The following THSD1 variants were observed in gnomAD, a reference collection of about 807,000 sequenced individuals.
THSD1 encodes thrombospondin type-1 domain-containing protein 1.
THSD1 carries 34 observed loss-of-function variants against 46.3 expected under a neutral mutation model. That is an observed-to-expected ratio of 0.74 (90% CI 0.56 to 0.98). The LOEUF (loss-of-function observed/expected upper bound fraction) is 0.98, where lower values mean the gene tolerates loss of function less well. Among genes scored for constraint, THSD1 ranks in the 50% least tolerant of loss-of-function variants. THSD1 has a pLI of 0.00. For synonymous variants in THSD1, 407 were observed against 416.5 expected, an observed-to-expected ratio of 0.98 and a Z score of 0.28; for missense variants, 1,023 against 1,058.3, an observed-to-expected ratio of 0.97 and a Z score of 0.46.
chr13:52,403,075 G>A (rs1957877139), intron 1 of THSD1: 2 of 544,636 alleles, frequency 3.7e-6, no homozygotes, highest in Non-Finnish European at 4.7e-6. Context: ...CTAAATTTCT[G>A]CTAAACTTTA....
At chr13:52,393,185 A>G (rs530072476) in intron 3 of THSD1, among the ~76,000 whole-genome samples, 1 of 152,314 alleles carries the variant, frequency 6.6e-6, no homozygotes, top group South Asian at 2.1e-4. Context: ...CCTCCATTTC[A>G]TCACCTATAA....
At chr13:52,396,083 T>C (rs1376895459) in intron 3 of THSD1, among the ~76,000 whole-genome samples, 1 of 151,652 alleles carries the variant, frequency 6.6e-6, no homozygotes, top group Non-Finnish European at 1.5e-5. Flanking sequence ...GAAAAGGAAG[T>C]GCAAGGAGGG....
intron 4 of THSD1, chr13:52,383,994 G>T: frequency 4.8e-6 from 1 of 208,486 alleles, no homozygotes; most frequent in South Asian, 6.8e-5. Flanking sequence ...CCTGAGGTCG[G>T]GAGTTCGAGA....
chr13:52,398,242 G>T, intron 2 of THSD1, 48 bp from the exon 3 acceptor site: 1 of 1,559,480 alleles, frequency 6.4e-7, no homozygotes, highest in Non-Finnish European at 8.6e-7. Context: ...CATTTGAGAA[G>T]AACTATTAGT....
intron 4 of THSD1, among the ~76,000 whole-genome samples, chr13:52,383,225 A>G (rs546146148): frequency 1.3e-5 from 2 of 152,196 alleles, no homozygotes; most frequent in Admixed American, 6.5e-5. Flanking sequence ...AGCAACTTGC[A>G]TAGTGCTCAT....
rs1413323714 is a variant in THSD1 at position 52,377,676 on chromosome 13, G to A, written c.2294C>T (p.Pro765Leu). The change falls in exon 5 of 5, where the codon CCC (proline) becomes CTC (leucine). Residue 765 changes from proline to leucine, a missense_variant. Transcript: ENST00000258613. ...EPHRARRGPSPSHKSVSRKQS... is the reference protein window; with the variant it reads ...EPHRARRGPSLSHKSVSRKQS... Reference sequence around the variant, plus strand: ...CTTCCTTGAGACACTCTTGTGACTGGGGGACGGTCCCCGACGAGCTCTGTG... The same window carrying A: ...CTTCCTTGAGACACTCTTGTGACTGAGGGACGGTCCCCGACGAGCTCTGTG... The A allele has an allele frequency of 6.2e-7, 1 of 1,609,942 alleles. No homozygotes were observed. The highest frequency in any genetic ancestry group is 1.3e-5 in the African/African-American group (1 of 74,802).
rs774984499 is a variant in THSD1 at position 52,398,058 on chromosome 13, C to T, written c.195G>A (p.Glu65=). The T allele has an allele frequency of 3.1e-6, 5 of 1,614,104 alleles. No homozygotes were observed. In the Admixed American group the frequency reaches 6.7e-5, roughly 22 times the overall value. ...TLRNVSVLLL[E]ANTNQTVTTK... ...TAGTTACAGTCTGATTGGTGTTGGC[C>T]TCCAACAGCAGGACAGATACATTCC... Residue 65 remains glutamate (E), a synonymous_variant, in exon 3 of 5, where the codon GAG becomes GAA. Coordinates refer to ENST00000258613, the MANE Select transcript of THSD1 (RefSeq NM_018676.4).
chr13:52,399,266 G>T (rs1015288246), intron 2 of THSD1, among the ~76,000 whole-genome samples: 1 of 152,144 alleles, frequency 6.6e-6, no homozygotes, highest in Non-Finnish European at 1.5e-5. Flanking sequence ...AGACACACAA[G>T]AATCCTTGTT....
intron 2 of THSD1, chr13:52,400,011 C>A: frequency 1.3e-5 from 2 of 153,836 alleles, no homozygotes; most frequent in South Asian, 3.8e-4. Context: ...GCAGGCTGGT[C>A]CGATGGTAGC....
intron 3 of THSD1, among the ~76,000 whole-genome samples, chr13:52,393,967 A>T (rs1247227768): frequency 6.6e-6 from 1 of 152,132 alleles, no homozygotes; most frequent in East Asian, 1.9e-4. Flanking sequence ...AGGCATGTTT[A>T]GCTCCCCCAG....
Position 52,377,790 on chromosome 13 carries a change from T to A in THSD1, c.2180A>T (p.Lys727Ile). The change falls in exon 5 of 5, where the codon AAA becomes ATA. Residue 727 changes from lysine to isoleucine, a missense_variant. Lys to Ile is a moderately radical substitution (Grantham distance 102, BLOSUM62 -3). This residue lies in a region of THSD1 where 578 missense variants were observed against 497.4 expected (regional missense o/e 1.16). Transcript: ENST00000258613. ...CAAGGGCTGCCCCAAAGTGTAGGAT[T>A]TAGGGAGAGGGTTTAATGGACCACG... is the stretch of plus-strand genomic sequence containing the variant. ...GTRGPLNPLP[K>I]SYTLGQPLRK... is the part of the protein sequence containing the mutation. 6.2e-7 allele frequency: 1 copy of A among 1,614,106 alleles called. No individual in the cohort carries two copies. Among genetic ancestry groups the A allele is most frequent in the Non-Finnish European group, 8.5e-7 (1 of 1,180,018 alleles).
chr13:52,381,596 T>G (rs1211822354), intron 4 of THSD1, among the ~76,000 whole-genome samples: 2 of 152,120 alleles, frequency 1.3e-5, no homozygotes, highest in African/African-American at 4.8e-5. Context: ...ACACCTCTAT[T>G]TACCTTTTTT....
intron 3 of THSD1, among the ~76,000 whole-genome samples, chr13:52,395,308 T>G (rs1246970452): frequency 6.6e-6 from 1 of 151,942 alleles, no homozygotes; most frequent in Non-Finnish European, 1.5e-5. Flanking sequence ...TGGGGAGAAG[T>G]GGAGAGATTG....
chr13:52,398,353 C>T (rs1278854032), intron 2 of THSD1, 159 bp from the exon 3 acceptor site: 3 of 770,186 alleles, frequency 3.9e-6, no homozygotes, highest in South Asian at 1.2e-4. Context: ...TCGCTGTACC[C>T]CTAACATCTT....
intron 3 of THSD1, among the ~76,000 whole-genome samples, chr13:52,395,555 G>A (rs968295670): frequency 2.0e-5 from 3 of 152,096 alleles, no homozygotes; most frequent in East Asian, 1.9e-4. Context: ...GGGAAGAGAC[G>A]TCCATCTGGA....
chr13:52,381,730 T>C (rs570722545), intron 4 of THSD1, among the ~76,000 whole-genome samples: 1 of 152,284 alleles, frequency 6.6e-6, no homozygotes, highest in South Asian at 2.1e-4. Flanking sequence ...GCTCCTCTAT[T>C]AGCTCCTTTT....
Position 52,377,978 on chromosome 13 carries a change from CGGCCG to C in THSD1, c.1987_1991del (p.Arg663ValfsTer20), listed in dbSNP as rs768514514. 2 of 1,614,164 alleles carry C rather than the reference CGGCCG, an allele frequency of 1.2e-6. No homozygotes were observed. The highest frequency in any genetic ancestry group is 2.2e-5 in the South Asian group (2 of 91,088). On this transcript the variant is annotated frameshift_variant, in exon 5 of 5. Coordinates refer to ENST00000258613, the MANE Select transcript of THSD1 (RefSeq NM_018676.4). LOFTEE classifies it high-confidence loss of function. ...GAGTGGACATGCTCCTCTCTCGGAA[CGGCCG>C]GGCCTGCCTGGCTTCATGGAAACTC...
At chr13:52,387,764 A>T (rs1447807973) in intron 3 of THSD1, among the ~76,000 whole-genome samples, 1 of 152,186 alleles carries the variant, frequency 6.6e-6, no homozygotes, top group Non-Finnish European at 1.5e-5. Context: ...AAATGTCCCA[A>T]ACTAAAAAAC....
At chr13:52,393,997 T>C (rs1046212758) in intron 3 of THSD1, among the ~76,000 whole-genome samples, 10 of 152,248 alleles carry the variant, frequency 6.6e-5, no homozygotes, top group African/African-American at 2.4e-4. Context: ...CCAGCCCTAT[T>C]GTTCTAATGT....
Sources: allele counts gnomAD v4.1 joint callset (sites outside exome capture counted in the v4.1 genomes callset), GRCh38; gene constraint gnomAD v4.1.1; regional missense constraint gnomAD v4.1.1; transcripts MANE v1.5; gene names NCBI Gene and HGNC (gene_info 2026-07-23, HGNC 2026-07-21).